The following ARF1 variants were observed in gnomAD, a reference collection of about 807,000 sequenced individuals.
The protein encoded by ARF1 is ADP-ribosylation factor 1.
In ARF1, 1 loss-of-function variant was observed where a neutral mutation model predicts 18.0. That is an observed-to-expected ratio of 0.06 (90% CI 0.02 to 0.26). The LOEUF is 0.26. Ranked by LOEUF, ARF1 falls within the 10% of genes least tolerant of loss-of-function variation. The pLI is 1.00. For synonymous variants in ARF1, 112 were observed against 96.3 expected (o/e 1.16, Z -0.95); for missense variants, 73 against 247.2 (o/e 0.30, Z 4.73).
intron 1 of ARF1, among the ~76,000 whole-genome samples, chr1:228,092,060 T>C (rs925228579): frequency 2.6e-5 from 4 of 152,342 alleles, no homozygotes; most frequent in African/African-American, 9.6e-5. Flanking sequence ...CTTTGTTCAG[T>C]TTCCTCAGAT....
chr1:228,096,656 G>A (rs897207808), intron 1 of ARF1, among the ~76,000 whole-genome samples: 1 of 152,238 alleles, frequency 6.6e-6, no homozygotes, highest in African/African-American at 2.4e-5. Context: ...TGCTGAGTCT[G>A]GCGTGGCCCT....
intron 1 of ARF1, among the ~76,000 whole-genome samples, chr1:228,093,040 A>T (rs1158920823): frequency 6.6e-6 from 1 of 152,170 alleles, no homozygotes; most frequent in East Asian, 1.9e-4. Context: ...TGGAGCCCAC[A>T]GCGTGGTCAG....
At chr1:228,085,460 C>T (rs1481315235) in intron 1 of ARF1, among the ~76,000 whole-genome samples, 1 of 152,228 alleles carries the variant, frequency 6.6e-6, no homozygotes, top group Non-Finnish European at 1.5e-5. Context: ...CTCTCAGGTC[C>T]TCCCCCAGGG....
chr1:228,097,043 C>G lies in ARF1; in HGVS notation c.-37-35C>G. 1 of 1,529,998 alleles carries G rather than the reference C, an allele frequency of 6.5e-7. No homozygotes were observed. The highest frequency in any genetic ancestry group is 8.8e-7 in the Non-Finnish European group (1 of 1,135,122). The allele number at this position is 1,529,998 out of a possible 1,614,324, so 94.8% of individuals were successfully genotyped here. A position where few individuals can be genotyped will look rare whatever the true frequency, so the allele number is the denominator to read the frequency against. On this transcript the variant is annotated intron_variant, in intron 1 of 4. Transcript: ENST00000272102. The surrounding 1 kb of genome is among the most constrained non-coding windows in gnomAD (Gnocchi z 8.1). ...GTTCTGAGCAACCACTGCTGGGCAG[C>G]ACAGAACCAGACATGGAGCACCTTG...
intron 1 of ARF1, among the ~76,000 whole-genome samples, chr1:228,087,823 G>T (rs1265848796): frequency 2.0e-5 from 3 of 152,160 alleles, no homozygotes; most frequent in Non-Finnish European, 4.4e-5. Context: ...TCAAAAGAAT[G>T]TTCAGACTGA....
In ARF1 at chr1:228,097,207, C is replaced by G; in HGVS notation, c.93C>G (p.Thr31=). Residue 31 remains threonine (T), a synonymous_variant, in exon 2 of 5, where the codon ACC becomes ACG. Transcript: ENST00000272102. This position sits in a 1 kb window ranked among gnomAD's most constrained non-coding sequence, Gnocchi z 8.1. Reference sequence around the variant, plus strand: ...TGGGCCTGGATGCTGCAGGGAAGACCACGATCCTCTACAAGCTTAAGCTGG... The same window carrying G: ...TGGGCCTGGATGCTGCAGGGAAGACGACGATCCTCTACAAGCTTAAGCTGG... ...LMVGLDAAGK[T]TILYKLKLGE... The G allele has an allele frequency of 6.2e-7, 1 of 1,613,952 alleles. No individual in the cohort carries two copies. Among genetic ancestry groups the G allele is most frequent in the Non-Finnish European group, 8.5e-7 (1 of 1,179,916 alleles).
intron 1 of ARF1, among the ~76,000 whole-genome samples, chr1:228,095,029 G>C (rs1001336255): frequency 1.3e-5 from 2 of 152,144 alleles, no homozygotes; most frequent in African/African-American, 4.8e-5. Flanking sequence ...TAGGGTTTCT[G>C]TTGGTTGATA....
chr1:228,093,337 T>C (rs2032629842), intron 1 of ARF1, among the ~76,000 whole-genome samples: 1 of 152,094 alleles, frequency 6.6e-6, no homozygotes, highest in Non-Finnish European at 1.5e-5. Flanking sequence ...TTTCTCCCTC[T>C]TAGGAAACTC....
chr1:228,083,050 CCCGCCCG>C (rs2032266795), intron 1 of ARF1: 1 of 152,434 alleles, frequency 6.6e-6, no homozygotes, highest in African/African-American at 2.4e-5. Flanking sequence ...TGTCCCTGCC[CCCGCCCG>C]TCGCCCGGAA....
intron 1 of ARF1, among the ~76,000 whole-genome samples, chr1:228,084,875 A>G (rs565434714): frequency 2.6e-5 from 4 of 152,322 alleles, no homozygotes; most frequent in African/African-American, 9.6e-5. Flanking sequence ...TCCTTGGTGT[A>G]TTTAAACCTG....
chr1:228,094,678 C>G (rs978520921), intron 1 of ARF1, among the ~76,000 whole-genome samples: 1 of 152,164 alleles, frequency 6.6e-6, no homozygotes, highest in Non-Finnish European at 1.5e-5. Flanking sequence ...CATCCTCTCC[C>G]TGGTTCCCTG....
intron 1 of ARF1, among the ~76,000 whole-genome samples, chr1:228,086,216 A>C (rs1166423220): frequency 2.0e-5 from 3 of 152,230 alleles, no homozygotes; most frequent in Non-Finnish European, 4.4e-5. Flanking sequence ...ACTTAAGTAC[A>C]ATTTTGAAAC....
Position 228,097,042 on chromosome 1 carries a change from G to C in ARF1, c.-37-36G>C, listed in dbSNP as rs1242580800. 3 of 1,527,920 alleles carry C rather than the reference G, an allele frequency of 2.0e-6. No homozygotes were observed. The highest frequency in any genetic ancestry group is 2.6e-6 in the Non-Finnish European group (3 of 1,133,604). The allele number at this position is 1,527,920 out of a possible 1,614,324, so 94.6% of individuals were successfully genotyped here. On this transcript the variant is annotated intron_variant, in intron 1 of 4. Coordinates refer to ENST00000272102, the MANE Select transcript of ARF1 (RefSeq NM_001658.4). The surrounding 1 kb of genome is among the most constrained non-coding windows in gnomAD (Gnocchi z 8.1). ...GGTTCTGAGCAACCACTGCTGGGCA[G>C]CACAGAACCAGACATGGAGCACCTT...
intron 1 of ARF1, among the ~76,000 whole-genome samples, chr1:228,088,830 C>A (rs978079634): frequency 6.6e-6 from 1 of 152,140 alleles, no homozygotes; most frequent in East Asian, 1.9e-4. Flanking sequence ...GGTTCTCTGC[C>A]GTCTTGTGCG....
intron 1 of ARF1, among the ~76,000 whole-genome samples, chr1:228,084,437 C>T (rs2032330980): frequency 6.6e-6 from 1 of 152,194 alleles, no homozygotes; most frequent in Non-Finnish European, 1.5e-5. Context: ...ATGCTGTTGC[C>T]TGTGAGGCAG....
Position 228,098,472 on chromosome 1 carries a change from A to C in ARF1, c.*459A>C, listed in dbSNP as rs1176181313. 6.5e-6 allele frequency: 1 copy of C among 153,590 alleles called. No homozygotes were observed. The highest frequency in any genetic ancestry group is 1.5e-5 in the Non-Finnish European group (1 of 68,698). The allele number at this position is 153,590 out of a possible 1,614,324, so 9.5% of individuals were successfully genotyped here. On this transcript the variant is annotated 3_prime_UTR_variant, in exon 5 of 5. Coordinates refer to ENST00000272102, the MANE Select transcript of ARF1 (RefSeq NM_001658.4). ...GAGAACACTTGAACACACAGAAGGG[A>C]GACCCCGCCTAGCATAGATTTGCAG... is the stretch of plus-strand genomic sequence containing the variant.
chr1:228,088,888 A>G (rs2032485726), intron 1 of ARF1, among the ~76,000 whole-genome samples: 2 of 152,194 alleles, frequency 1.3e-5, no homozygotes, highest in Admixed American at 6.5e-5. Context: ...CAGAGGCAGC[A>G]TTTAGAGCAC....
intron 1 of ARF1, chr1:228,083,348 A>G (rs1316946628): frequency 6.6e-6 from 1 of 152,264 alleles, no homozygotes; most frequent in Non-Finnish European, 1.5e-5. Context: ...TCCCGACTCC[A>G]TCCAGTTCGT....
rs1426031038 is a variant in ARF1, at chr1:228,082,987, C to T, written c.-38+222C>T. On this transcript the variant is annotated intron_variant, in intron 1 of 4. Coordinates refer to ENST00000272102, the MANE Select transcript of ARF1 (RefSeq NM_001658.4). The surrounding 1 kb of genome is among the most constrained non-coding windows in gnomAD (Gnocchi z 6.1). ...CGGACGGGCGGGTCGGTGAGCTCCTCGCACCCCTCACAGGTTCCCGAAGTC... is the reference window on the plus strand; with the variant it reads ...CGGACGGGCGGGTCGGTGAGCTCCTTGCACCCCTCACAGGTTCCCGAAGTC... 5 of 152,388 alleles carry T rather than the reference C, an allele frequency of 3.3e-5. No homozygotes were observed. The highest frequency in any genetic ancestry group is 2.9e-5 in the Non-Finnish European group (2 of 68,172). 9.4% of individuals were successfully genotyped at this position (152,388 alleles called of 1,614,324 possible).
Sources: allele counts gnomAD v4.1 joint callset (sites outside exome capture counted in the v4.1 genomes callset), GRCh38; gene constraint gnomAD v4.1.1; non-coding constraint Gnocchi (gnomAD v3.1); transcripts MANE v1.5; gene names NCBI Gene and HGNC (gene_info 2026-07-23, HGNC 2026-07-21).